ART3: variants seen among roughly 807,000 people sequenced by gnomAD.
ART3 encodes the protein ecto-ADP-ribosyltransferase 3.
A neutral mutation model predicts 48.5 loss-of-function variants in ART3; 49 were observed. The observed-to-expected ratio is 1.01, with a 90% confidence interval of 0.80 to 1.28. The LOEUF (loss-of-function observed/expected upper bound fraction) is 1.28, where lower values mean the gene tolerates loss of function less well. Among genes scored for constraint, ART3 ranks in the 50% most tolerant of loss-of-function variants. The pLI is 0.00. For missense variants in ART3, 438 were observed against 454.3 expected, an observed-to-expected ratio of 0.96 and a Z score of 0.33; for synonymous variants, 145 against 157.2, an observed-to-expected ratio of 0.92 and a Z score of 0.58.
At position 76,100,427 on chromosome 4, in the gene ART3, T is replaced by C. The variant is rs1419421301; in HGVS notation, c.877+107T>C. 12 of 1,134,170 alleles carry C rather than the reference T, an allele frequency of 1.1e-5. No homozygotes were observed. The Admixed American group carries it at 2.1e-4, about 20-fold the overall frequency. 70.3% of individuals were successfully genotyped at this position (1,134,170 alleles called of 1,614,324 possible). The stretch of plus-strand genomic sequence containing the variant: ...GCGGGAGGATCATGAGGTCAGGAGA[T>C]TGAGACCATCCTGGCCAACATAGTA... On this transcript the variant is annotated intron_variant, in intron 6 of 11. Transcript: ENST00000355810.
In ART3 at chr4:76,082,210, T is replaced by C. The variant is rs1231928297; in HGVS notation, c.456T>C (p.Pro152=). Residue 152 remains proline (P), a synonymous_variant, in exon 3 of 12, where the codon CCT becomes CCC. Transcript: ENST00000355810. The stretch of plus-strand genomic sequence containing the variant: ...GAGCCCTGCAGTTGCTGAGAAAACC[T>C]TGTGAGGCCAGTTCCAAAACTGTGG... ...LTRALQLLRK[P]CEASSKTVVY... 9.9e-6 allele frequency: 16 copies of C among 1,614,192 alleles called. No homozygotes were observed. Among genetic ancestry groups the C allele is most frequent in the Non-Finnish European group, 1.4e-5 (16 of 1,180,032 alleles).
At chr4:76,043,465 A>C (rs1735181577) in intron 1 of ART3, among the ~76,000 whole-genome samples, 1 of 152,074 alleles carries the variant, frequency 6.6e-6, no homozygotes, top group African/African-American at 2.4e-5. Flanking sequence ...AGGCCCGATG[A>C]GAAATCGAGT....
chr4:76,090,111 G>A (rs186404138), intron 3 of ART3, among the ~76,000 whole-genome samples: 8 of 152,030 alleles, frequency 5.3e-5, no homozygotes, highest in Middle Eastern at 3.4e-3. Context: ...AATATTCTTT[G>A]GTAGCCCTGT....
At chr4:76,072,528 A>C (rs1369676706), upstream of ART3, among the ~76,000 whole-genome samples, 2 of 151,880 alleles carry the variant, frequency 1.3e-5, no homozygotes, top group Non-Finnish European at 2.9e-5. Context: ...AAGCCACCAT[A>C]ATCTCTGCTT....
chr4:76,034,967 G>A, intron 1 of ART3: 1 of 1,427,418 alleles, frequency 7.0e-7, no homozygotes, highest in Non-Finnish European at 9.9e-7. Flanking sequence ...TCTTTCTGTA[G>A]TTGTCCACAT....
chr4:76,022,262 T>A (rs1732910152), intron 1 of ART3: 2 of 952,780 alleles, frequency 2.1e-6, no homozygotes, highest in African/African-American at 1.6e-5. Flanking sequence ...GGTAACATAC[T>A]TTTAAACCAG....
At chr4:76,103,244 G>C (rs9992976) in intron 8 of ART3, among the ~76,000 whole-genome samples, 2 of 151,812 alleles carry the variant, frequency 1.3e-5, no homozygotes, top group Non-Finnish European at 2.9e-5. Context: ...AAGCCAGCAC[G>C]GTGGCTCACA....
intron 1 of ART3, chr4:76,034,188 T>C (rs752997462): frequency 8.4e-6 from 3 of 357,936 alleles, no homozygotes; most frequent in Non-Finnish European, 1.5e-5. Flanking sequence ...TCCCTACATA[T>C]TGATGTGCTA....
At position 76,031,417 on chromosome 4, in the gene ART3, C is replaced by G. The variant is rs565594589; in HGVS notation, c.-10+20097C>G. Among the ~76,000 whole-genome samples, 6 of 152,190 alleles carry G rather than the reference C, an allele frequency of 3.9e-5. No individual in the cohort carries two copies. In the South Asian group the frequency reaches 1.2e-3, roughly 32 times the overall value. ...GCCTTGAAGTTTTGGAAATACAGAC[C>G]TGAGATATTGCAGCTATTGCAGCAA... On this transcript the variant is annotated intron_variant, in intron 1 of 9. Coordinates refer to the ART3 transcript ENST00000341029.
chr4:76,044,166 G>C, intron 1 of ART3, among the ~76,000 whole-genome samples: 1 of 152,044 alleles, frequency 6.6e-6, no homozygotes, highest in Middle Eastern at 3.2e-3. Flanking sequence ...TGGCTGCCAT[G>C]GGACCTAGAA....
At chr4:76,091,373 A>G (rs1047721327) in intron 3 of ART3, among the ~76,000 whole-genome samples, 4 of 152,234 alleles carry the variant, frequency 2.6e-5, no homozygotes, top group African/African-American at 9.6e-5. Context: ...GGAGTGTATA[A>G]GAGTTCTAGC....
chr4:76,104,153 G>A (rs1275045465), intron 9 of ART3, among the ~76,000 whole-genome samples, 184 bp downstream of exon 9: 1 of 152,182 alleles, frequency 6.6e-6, no homozygotes, highest in Non-Finnish European at 1.5e-5. Flanking sequence ...GTGCATTCAT[G>A]TGCTCCTGGA....
At chr4:76,104,013 G>A (rs752090680) in intron 9 of ART3, 44 bp downstream of exon 9, 1 of 1,584,836 alleles carries the variant, frequency 6.3e-7, no homozygotes, top group Non-Finnish European at 8.7e-7. Context: ...AGAATGAGTT[G>A]AGCAGGATTC....
chr4:76,079,725 T>C (rs1156548817), intron 2 of ART3, among the ~76,000 whole-genome samples: 2 of 151,942 alleles, frequency 1.3e-5, no homozygotes, highest in Non-Finnish European at 2.9e-5. Context: ...AGGGTTGAGC[T>C]ATACGTGGGA....
intron 1 of ART3, chr4:76,035,172 A>G (rs1471100725): frequency 1.2e-6 from 2 of 1,613,336 alleles, no homozygotes; most frequent in Non-Finnish European, 1.7e-6. Context: ...TACATAAACA[A>G]AAAAGCCTGC....
chr4:76,099,287 G>C (rs1726738316), intron 5 of ART3: 1 of 360,636 alleles, frequency 2.8e-6, no homozygotes, highest in Non-Finnish European at 5.2e-6. Context: ...TGGGTGACAG[G>C]GTGAAACTCT....
chr4:76,044,012 G>C (rs1423165867), intron 1 of ART3, among the ~76,000 whole-genome samples: 1 of 151,944 alleles, frequency 6.6e-6, no homozygotes, highest in African/African-American at 2.4e-5. Flanking sequence ...GGTTGGTCCA[G>C]GGGTCCTTGG....
At chr4:76,068,078 G>A (rs1244335371) in intron 1 of ART3, among the ~76,000 whole-genome samples, 1 of 152,118 alleles carries the variant, frequency 6.6e-6, no homozygotes, top group African/African-American at 2.4e-5. Flanking sequence ...CTTCAAATTG[G>A]GATACATATA....
At chr4:76,019,777 T>G (rs1465016729) in intron 1 of ART3, among the ~76,000 whole-genome samples, 2 of 151,700 alleles carry the variant, frequency 1.3e-5, no homozygotes, top group Non-Finnish European at 2.9e-5. Flanking sequence ...ATGTATGTCC[T>G]ATGCAAGAAT....
Sources: gnomAD v4.1 joint callset for allele counts (sites outside exome capture counted in the v4.1 genomes callset) on GRCh38, gnomAD v4.1.1 for gene constraint, MANE v1.5 for transcripts, NCBI Gene and HGNC (gene_info 2026-07-23, HGNC 2026-07-21) for gene names.